The following NAALADL2 variants were observed in gnomAD, a reference collection of about 807,000 sequenced individuals.
NAALADL2 encodes the protein inactive N-acetylated-alpha-linked acidic dipeptidase-like protein 2.
Under a neutral mutation model 87.2 loss-of-function variants are expected in NAALADL2, and 76 were observed. The ratio of observed to expected loss-of-function variants is 0.87; its 90% CI spans 0.72 to 1.05. The LOEUF (loss-of-function observed/expected upper bound fraction) is 1.05, where lower values mean the gene tolerates loss of function less well. NAALADL2 is among the 50% of genes least tolerant of loss of function. The probability of loss-of-function intolerance (pLI) is 0.00; values close to 1 mark genes in which losing one functional copy is unlikely to be tolerated. For missense variants in NAALADL2, 1,089 were observed against 945.8 expected (o/e 1.15, Z -1.99); for synonymous variants, 354 against 331.0 (o/e 1.07, Z -0.75).
chr3:174,959,415 C>G (rs543719919), intron 1 of NAALADL2, among the ~76,000 whole-genome samples: 2 of 152,102 alleles, frequency 1.3e-5, no homozygotes, highest in South Asian at 4.1e-4. Flanking sequence ...CTGCTGCCCA[C>G]AGGCTCTGGA....
At chr3:174,502,433 A>G (rs1256767732) in intron 1 of NAALADL2, among the ~76,000 whole-genome samples, 1 of 152,214 alleles carries the variant, frequency 6.6e-6, no homozygotes, top group Non-Finnish European at 1.5e-5. Flanking sequence ...CTTGAAAGGC[A>G]TCATTCTCAT....
intron 2 of NAALADL2, among the ~76,000 whole-genome samples, chr3:174,653,940 T>C (rs1371516380): frequency 6.6e-6 from 1 of 152,122 alleles, no homozygotes; most frequent in Non-Finnish European, 1.5e-5. Context: ...AGAAATGCAT[T>C]GAAAACACAA....
At chr3:175,443,548 G>A (rs1330404970) in intron 5 of NAALADL2, among the ~76,000 whole-genome samples, 4 of 152,084 alleles carry the variant, frequency 2.6e-5, no homozygotes. Context: ...GTTAGCCAGG[G>A]TGAAAGCATA....
intron 9 of NAALADL2, among the ~76,000 whole-genome samples, chr3:175,561,475 C>T (rs1716265304): frequency 6.6e-6 from 1 of 151,954 alleles, no homozygotes; most frequent in African/African-American, 2.4e-5. Flanking sequence ...AAACATAGTA[C>T]CTGCTTGTTC....
At chr3:174,710,270 T>C (rs1175418353) in intron 2 of NAALADL2, among the ~76,000 whole-genome samples, 1 of 151,616 alleles carries the variant, frequency 6.6e-6, no homozygotes, top group Non-Finnish European at 1.5e-5. Context: ...TTGTTTTTTT[T>C]TTGAGACCGA....
chr3:174,598,841 A>T (rs999926856), intron 2 of NAALADL2, among the ~76,000 whole-genome samples: 1 of 152,194 alleles, frequency 6.6e-6, no homozygotes, highest in African/African-American at 2.4e-5. Context: ...TGAAATGCTA[A>T]GAGTGCAATA....
At chr3:175,512,515 A>G (rs1049424271) in intron 9 of NAALADL2, among the ~76,000 whole-genome samples, 12 of 152,200 alleles carry the variant, frequency 7.9e-5, no homozygotes, top group African/African-American at 2.7e-4. Flanking sequence ...CTTAAAAACT[A>G]TATCCAACTT....
intron 2 of NAALADL2, among the ~76,000 whole-genome samples, chr3:174,635,506 GTT>G (rs11285134): frequency 2.3e-4 from 32 of 139,546 alleles, no homozygotes; most frequent in East Asian, 4.2e-4. Flanking sequence ...GGTGGTTGTG[GTT>G]TTTTTTTTTT....
At chr3:175,377,175 G>A (rs182554765) in intron 5 of NAALADL2, among the ~76,000 whole-genome samples, 102 of 152,062 alleles carry the variant, frequency 6.7e-4, no homozygotes, top group South Asian at 4.2e-3. Flanking sequence ...TAGTTGGGCC[G>A]GTGGTGCACA....
chr3:175,608,477 A>C (rs1386147121), intron 10 of NAALADL2, among the ~76,000 whole-genome samples: 3 of 151,898 alleles, frequency 2.0e-5, no homozygotes, highest in East Asian at 3.9e-4. Context: ...CTATAAAGAC[A>C]CAGAGAGCCT....
chr3:174,595,046 C>G (rs1278499846), intron 2 of NAALADL2, among the ~76,000 whole-genome samples: 2 of 152,092 alleles, frequency 1.3e-5, no homozygotes, highest in Non-Finnish European at 2.9e-5. Flanking sequence ...TATTTAACAA[C>G]TCTCCAGAAT....
chr3:175,557,538 T>A (rs1157499708), intron 9 of NAALADL2, among the ~76,000 whole-genome samples: 2 of 152,146 alleles, frequency 1.3e-5, no homozygotes, highest in Admixed American at 6.6e-5. Context: ...CCCTCCCCAC[T>A]TTCCCCCAAT....
intron 13 of NAALADL2, among the ~76,000 whole-genome samples, chr3:175,766,827 C>T (rs1373568009): frequency 6.6e-6 from 1 of 152,030 alleles, no homozygotes; most frequent in Non-Finnish European, 1.5e-5. Context: ...AGATGAAATG[C>T]TCAGGAATCA....
chr3:175,264,770 C>G (rs1383811568), intron 4 of NAALADL2, among the ~76,000 whole-genome samples: 1 of 151,360 alleles, frequency 6.6e-6, no homozygotes, highest in Non-Finnish European at 1.5e-5. Context: ...TATGCATATA[C>G]TTTTTATTAA....
intron 3 of NAALADL2, among the ~76,000 whole-genome samples, chr3:174,739,023 G>T (rs968559395): frequency 2.6e-5 from 4 of 151,834 alleles, no homozygotes; most frequent in African/African-American, 7.3e-5. Context: ...TTCTTAATTT[G>T]TATTTTCTTT....
intron 9 of NAALADL2, among the ~76,000 whole-genome samples, chr3:175,546,985 C>G (rs1713445363): frequency 1.3e-5 from 2 of 152,194 alleles, no homozygotes; most frequent in South Asian, 2.1e-4. Flanking sequence ...TTAAAATGGC[C>G]ATATTGCACA....
At chr3:175,097,800 CTA>C (rs1406330583) in intron 2 of NAALADL2, among the ~76,000 whole-genome samples, 1 of 151,968 alleles carries the variant, frequency 6.6e-6, no homozygotes, top group Non-Finnish European at 1.5e-5. Context: ...AAAAGGTTTT[CTA>C]GTTTACATAT....
intron 5 of NAALADL2, among the ~76,000 whole-genome samples, chr3:175,394,667 G>C (rs1207496657): frequency 6.6e-6 from 1 of 152,150 alleles, no homozygotes; most frequent in Non-Finnish European, 1.5e-5. Flanking sequence ...TACTACAGTA[G>C]TCTCCCCTTA....
chr3:175,158,221 C>T (rs1342306229), intron 2 of NAALADL2, among the ~76,000 whole-genome samples: 1 of 152,032 alleles, frequency 6.6e-6, no homozygotes, highest in African/African-American at 2.4e-5. Context: ...TATCACAGTG[C>T]TTTAGGCACA....
Sources: gnomAD v4.1 joint callset for allele counts (sites outside exome capture counted in the v4.1 genomes callset) on GRCh38, gnomAD v4.1.1 for gene constraint, MANE v1.5 for transcripts, NCBI Gene and HGNC (gene_info 2026-07-23, HGNC 2026-07-21) for gene names.